SEC23B: variants seen among roughly 807,000 people sequenced by gnomAD.
SEC23B encodes protein transport protein Sec23B.
Under a neutral mutation model 104.3 loss-of-function variants are expected in SEC23B, and 77 were observed. The ratio of observed to expected loss-of-function variants is 0.74; its 90% CI spans 0.61 to 0.89. SEC23B has a LOEUF of 0.89. Ranked by LOEUF, SEC23B falls within the 40% of genes least tolerant of loss-of-function variation. The pLI is 0.00. For missense variants in SEC23B, 885 were observed against 949.4 expected, an observed-to-expected ratio of 0.93 and a Z score of 0.89; for synonymous variants, 338 against 332.5, an observed-to-expected ratio of 1.02 and a Z score of -0.18.
At chr20:18,540,160 C>A (rs1349899490) in intron 12 of SEC23B, among the ~76,000 whole-genome samples, 4 of 152,108 alleles carry the variant, frequency 2.6e-5, no homozygotes, top group African/African-American at 7.2e-5. Flanking sequence ...TTTTCTTTGC[C>A]CAGATCCATC....
chr20:18,508,381 G>C (rs1289100265), intron 1 of SEC23B: 1 of 152,238 alleles, frequency 6.6e-6, no homozygotes, highest in African/African-American at 2.4e-5. Context: ...ACGAGTTGGC[G>C]CGATAAGGGT....
At chr20:18,520,517 G>A (rs1284402685) in intron 4 of SEC23B, among the ~76,000 whole-genome samples, 2 of 152,104 alleles carry the variant, frequency 1.3e-5, no homozygotes, top group Non-Finnish European at 1.5e-5. Flanking sequence ...AGGTGTGGCT[G>A]TAGCCTGGGA....
intron 19 of SEC23B, among the ~76,000 whole-genome samples, chr20:18,557,209 T>C (rs1356788457): frequency 6.6e-6 from 1 of 152,218 alleles, no homozygotes; most frequent in Non-Finnish European, 1.5e-5. Flanking sequence ...CCATGAGTTA[T>C]TTGAACATGT....
At chr20:18,547,822 T>C (rs554118874) in intron 15 of SEC23B, among the ~76,000 whole-genome samples, 134 of 152,338 alleles carry the variant, frequency 8.8e-4, no homozygotes, top group Middle Eastern at 6.8e-3. Context: ...AGAGCAGATA[T>C]TCTGTCTCCA....
chr20:18,530,840 C>G (rs1555788883), intron 10 of SEC23B, 37 bp downstream of exon 10: 2 of 1,535,836 alleles, frequency 1.3e-6, no homozygotes, highest in East Asian at 2.3e-5. Context: ...TGTGGACTCA[C>G]TGTACTGCCC....
intron 8 of SEC23B, 63 bp from the exon 9 acceptor site, chr20:18,527,433 A>G: frequency 1.1e-6 from 1 of 895,838 alleles, no homozygotes; most frequent in Non-Finnish European, 1.9e-6. Context: ...CTCCTTCGGT[A>G]ATTCAGGCAT....
chr20:18,554,145 A>T, intron 17 of SEC23B, 90 bp from the exon 18 acceptor site: 1 of 1,439,438 alleles, frequency 6.9e-7, no homozygotes, highest in Non-Finnish European at 9.7e-7. Flanking sequence ...ACTAGAAACA[A>T]GCTCTGGGTG....
At chr20:18,554,007 C>T (rs1359162381) in intron 17 of SEC23B, among the ~76,000 whole-genome samples, 2 of 152,116 alleles carry the variant, frequency 1.3e-5, no homozygotes. Context: ...AGAGAGGAGG[C>T]ATGAGTGACG....
Position 18,548,872 on chromosome 20 carries a change from T to C in SEC23B, c.1905+102T>C, listed in dbSNP as rs41309839. 1,632 of 1,216,888 alleles carry C rather than the reference T, an allele frequency of 1.3e-3. 5 individuals carry two copies. Among genetic ancestry groups the C allele is most frequent in the Non-Finnish European group, 1.8e-3 (1,492 of 843,808 alleles). 75.4% of individuals were successfully genotyped at this position (1,216,888 alleles called of 1,614,324 possible). A position where few individuals can be genotyped will look rare whatever the true frequency, so the allele number is the denominator to read the frequency against. ...CAGAACTGTAAAAAAGAAGTAAAAT[T>C]TGGAGTTTTTATAGTAATTTAACAT... On this transcript the variant is annotated intron_variant, in intron 16 of 19. Coordinates refer to ENST00000650089, the MANE Select transcript of SEC23B (RefSeq NM_006363.6).
Position 18,524,742 on chromosome 20 carries a change from G to A in SEC23B, c.603+73G>A, listed in dbSNP as rs1012743930. 1.2e-5 allele frequency: 16 copies of A among 1,354,932 alleles called. No individual in the cohort carries two copies. The East Asian group carries it at 3.4e-4, about 29-fold the overall frequency. 83.9% of individuals were successfully genotyped at this position (1,354,932 alleles called of 1,614,324 possible). A position where few individuals can be genotyped will look rare whatever the true frequency, so the allele number is the denominator to read the frequency against. ...AAGAGACTGGGGTCTCTTTAAAAGA[G>A]CCTGTAGCCCAGGCTGGAGTTCAGT... On this transcript the variant is annotated intron_variant, in intron 5 of 19. Transcript: ENST00000650089.
At chr20:18,515,039 A>G (rs1186230962) in intron 3 of SEC23B, among the ~76,000 whole-genome samples, 1 of 152,188 alleles carries the variant, frequency 6.6e-6, no homozygotes, top group East Asian at 1.9e-4. Context: ...TTGGCTAGGC[A>G]TGGTGGCTTA....
chr20:18,509,082 A>T (rs1031981619), intron 1 of SEC23B, among the ~76,000 whole-genome samples: 3 of 152,232 alleles, frequency 2.0e-5, no homozygotes, highest in Admixed American at 2.0e-4. Flanking sequence ...AAATCTGCTG[A>T]CATACTTGCT....
intron 11 of SEC23B, 95 bp from the exon 12 acceptor site, chr20:18,535,558 G>A (rs576792572): frequency 1.7e-5 from 15 of 881,184 alleles, no homozygotes; most frequent in Middle Eastern, 2.1e-4. Flanking sequence ...GATACTCTAA[G>A]TAGCCTGCCC....
chr20:18,518,882 G>A (rs2060058198), intron 4 of SEC23B, among the ~76,000 whole-genome samples: 2 of 152,114 alleles, frequency 1.3e-5, no homozygotes, highest in South Asian at 2.1e-4. Flanking sequence ...TAATGATGGA[G>A]GACCCTTGTG....
At chr20:18,529,042 A>G (rs756061307) in intron 9 of SEC23B, among the ~76,000 whole-genome samples, 5 of 152,240 alleles carry the variant, frequency 3.3e-5, no homozygotes, top group African/African-American at 4.8e-5. Flanking sequence ...TGAACATTGC[A>G]ATTTCAAGGG....
chr20:18,526,552 GC>G, intron 8 of SEC23B, 21 bp downstream of exon 8: 1 of 1,613,794 alleles, frequency 6.2e-7, no homozygotes, highest in South Asian at 1.1e-5. Flanking sequence ...TTGGGTATGG[GC>G]TGTAATTCTG....
At chr20:18,530,881 A>T (rs373169191) in intron 10 of SEC23B, 78 bp downstream of exon 10, 41 of 1,199,860 alleles carry the variant, frequency 3.4e-5, no homozygotes, top group Non-Finnish European at 4.5e-5. Flanking sequence ...GTCTCAGGCA[A>T]TTTTCCCGCC....
chr20:18,527,446 C>G, intron 8 of SEC23B, 50 bp from the exon 9 acceptor site: 1 of 1,018,206 alleles, frequency 9.8e-7, no homozygotes, highest in Non-Finnish European at 1.6e-6. Context: ...TCAGGCATAC[C>G]TTGGGAATAA....
At chr20:18,537,403 T>C (rs1009393923) in intron 12 of SEC23B, among the ~76,000 whole-genome samples, 7 of 151,638 alleles carry the variant, frequency 4.6e-5, no homozygotes, top group African/African-American at 1.7e-4. Flanking sequence ...TGGAATACTA[T>C]GCAGCCATAA....
Sources: gnomAD v4.1 joint callset for allele counts (sites outside exome capture counted in the v4.1 genomes callset) on GRCh38, gnomAD v4.1.1 for gene constraint, MANE v1.5 for transcripts, NCBI Gene and HGNC (gene_info 2026-07-23, HGNC 2026-07-21) for gene names.